PRRC1: variants seen among roughly 807,000 people sequenced by gnomAD.
PRRC1 encodes proline rich coiled-coil 1.
In PRRC1, 39 loss-of-function variants were observed where a neutral mutation model predicts 40.7. That is an observed-to-expected ratio of 0.96 (90% confidence interval 0.74 to 1.25). The LOEUF (loss-of-function observed/expected upper bound fraction) is 1.25. PRRC1 is among the 50% of genes most tolerant of loss of function. The pLI, the probability that PRRC1 is intolerant of heterozygous loss-of-function variation, is 0.00. For synonymous variants in PRRC1, 175 were observed against 193.3 expected, an observed-to-expected ratio of 0.91 and a Z score of 0.79; for missense variants, 573 against 548.3, an observed-to-expected ratio of 1.05 and a Z score of -0.45.
Position 127,552,016 on chromosome 5 carries a change from G to A in PRRC1, c.*100G>A. 6.6e-7 allele frequency: 1 copy of A among 1,508,496 alleles called. No homozygotes were observed. Among genetic ancestry groups the A allele is most frequent in the South Asian group, 1.3e-5 (1 of 75,834 alleles). The allele number at this position is 1,508,496 out of a possible 1,614,324, so 93.4% of individuals were successfully genotyped here. On this transcript the variant is annotated 3_prime_UTR_variant, in exon 9 of 9. Coordinates refer to ENST00000296666, the MANE Select transcript of PRRC1 (RefSeq NM_130809.5). ...AAATCGAATAGTCTAAATGAATCCA[G>A]TAGTTTTTATCATTTTCCTGTAGCC...
intron 6 of PRRC1, 139 bp downstream of exon 6, chr5:127,533,925 C>G: frequency 1.2e-6 from 1 of 845,952 alleles, no homozygotes; most frequent in South Asian, 1.4e-5. Flanking sequence ...AGTAGACAGC[C>G]CTATCGTATT....
In PRRC1 at chr5:127,553,698, C is replaced by CTTAA. The variant is rs1561691500; in HGVS notation, c.*1785_*1788dup. 1 of 1,490,786 alleles carries CTTAA rather than the reference C, an allele frequency of 6.7e-7. No individual in the cohort carries two copies. Among genetic ancestry groups the CTTAA allele is most frequent in the Non-Finnish European group, 8.9e-7 (1 of 1,127,494 alleles). 92.3% of individuals were successfully genotyped at this position (1,490,786 alleles called of 1,614,324 possible). ...GAAATCTTACAGATTCTAAAAATAC[C>CTTAA]TTAATTTTTCTTTGATTTTTATTTT... On this transcript the variant is annotated 3_prime_UTR_variant, in exon 9 of 9. Coordinates refer to ENST00000296666, the MANE Select transcript of PRRC1 (RefSeq NM_130809.5).
Position 127,552,120 on chromosome 5 carries a change from A to G in PRRC1, c.*204A>G. 2 of 1,387,554 alleles carry G rather than the reference A, an allele frequency of 1.4e-6. No homozygotes were observed. The highest frequency in any genetic ancestry group is 1.9e-6 in the Non-Finnish European group (2 of 1,072,344). The allele number at this position is 1,387,554 out of a possible 1,614,324, so 86.0% of individuals were successfully genotyped here. Reference sequence around the variant, plus strand: ...AACAAATCCTTTTTATAGTCATACCATTTCACCTATCATAGTACTCAAAAA... The same window carrying G: ...AACAAATCCTTTTTATAGTCATACCGTTTCACCTATCATAGTACTCAAAAA... On this transcript the variant is annotated 3_prime_UTR_variant, in exon 9 of 9. Transcript: ENST00000296666.
chr5:127,539,727 A>G (rs1290947335), intron 7 of PRRC1, among the ~76,000 whole-genome samples: 1 of 151,760 alleles, frequency 6.6e-6, no homozygotes, highest in African/African-American at 2.4e-5. Flanking sequence ...TTTATTTTTT[A>G]TTTGTTTGTT....
chr5:127,552,653 A>ATATT lies in PRRC1; in HGVS notation c.*739_*742dup. 1 of 976,476 alleles carries ATATT rather than the reference A, an allele frequency of 1.0e-6. No homozygotes were observed. Among genetic ancestry groups the ATATT allele is most frequent in the African/African-American group, 1.8e-5 (1 of 57,118 alleles). 60.5% of individuals were successfully genotyped at this position (976,476 alleles called of 1,614,324 possible). On this transcript the variant is annotated 3_prime_UTR_variant, in exon 9 of 9. Coordinates refer to ENST00000296666, the MANE Select transcript of PRRC1 (RefSeq NM_130809.5). Reference sequence around the variant, plus strand: ...CAGCTAAGGGGCAAATGATTCAAGTATATTTTAAATCAGAAGTATTCAAAT... The same window carrying ATATT: ...CAGCTAAGGGGCAAATGATTCAAGTATATTTATTTTAAATCAGAAGTATTCAAAT...
At position 127,533,692 on chromosome 5, in the gene PRRC1, C is replaced by G. The variant is rs755158804; in HGVS notation, c.827C>G (p.Ala276Gly). 5 of 1,613,270 alleles carry G rather than the reference C, an allele frequency of 3.1e-6. No homozygotes were observed. The highest frequency in any genetic ancestry group is 4.2e-6 in the Non-Finnish European group (5 of 1,179,254). Residue 276 changes from alanine (A) to glycine (G), a missense_variant, in exon 6 of 9, where the codon GCC (alanine) becomes GGC (glycine). Physicochemically the swap from Ala to Gly is moderately conservative, Grantham distance 60. Coordinates refer to ENST00000296666, the MANE Select transcript of PRRC1 (RefSeq NM_130809.5). ...GTAAAAGTTGCTGCTGTCCGAGATG[C>G]CTTCCAGGAGGTCTTTGGCTTAGCT... ...KEVKVAAVRDAFQEVFGLAVV... is the reference protein window; with the variant it reads ...KEVKVAAVRDGFQEVFGLAVV...
intron 5 of PRRC1, 146 bp from the exon 6 acceptor site, chr5:127,533,477 A>G: frequency 1.4e-6 from 1 of 739,018 alleles, no homozygotes; most frequent in Non-Finnish European, 2.1e-6. Context: ...TCTCAAGCAT[A>G]TAAAAAAGAT....
intron 3 of PRRC1, among the ~76,000 whole-genome samples, chr5:127,526,207 T>C (rs1338519518): frequency 6.6e-6 from 1 of 152,228 alleles, no homozygotes; most frequent in Non-Finnish European, 1.5e-5. Flanking sequence ...TATTCATGTC[T>C]ATGTATATGT....
chr5:127,542,427 C>G (rs1247259206), intron 7 of PRRC1, among the ~76,000 whole-genome samples: 1 of 152,018 alleles, frequency 6.6e-6, no homozygotes, highest in Non-Finnish European at 1.5e-5. Context: ...TCTGGGTATC[C>G]TTGTTAACTT....
chr5:127,523,415 T>C, intron 1 of PRRC1, 45 bp from the exon 2 acceptor site: 1 of 884,922 alleles, frequency 1.1e-6, no homozygotes, highest in South Asian at 2.2e-5. Context: ...AAAAATATAC[T>C]TTTGGTTACT....
chr5:127,553,995 G>C lies in PRRC1; in HGVS notation c.*2079G>C, dbSNP rs1580959139. On this transcript the variant is annotated 3_prime_UTR_variant, in exon 9 of 9. Coordinates refer to ENST00000296666, the MANE Select transcript of PRRC1 (RefSeq NM_130809.5). Reference sequence around the variant, plus strand: ...TCTCTGGTTCTGTTCTTGGCCCAGAGTTTTTGAAAAGCAGCGGAGCATGAC... The same window carrying C: ...TCTCTGGTTCTGTTCTTGGCCCAGACTTTTTGAAAAGCAGCGGAGCATGAC... 1 of 1,341,412 alleles carries C rather than the reference G, an allele frequency of 7.5e-7. No homozygotes were observed. Among genetic ancestry groups the C allele is most frequent in the East Asian group, 2.6e-5 (1 of 38,288 alleles). The allele number at this position is 1,341,412 out of a possible 1,614,324, so 83.1% of individuals were successfully genotyped here.
At position 127,551,895 on chromosome 5, in the gene PRRC1, C is replaced by T; in HGVS notation, c.1317C>T (p.Arg439=). The change falls in exon 9 of 9, where the codon CGC becomes CGT. Residue 439 remains arginine, a synonymous_variant. Transcript: ENST00000296666. ...CGATAGCGGGCATGTATAAACAGCG[C>T]CTGCCACCCAGGACAGTGTGAGAGG... ...ARAIAGMYKQ[R]LPPRTV is the part of the protein sequence containing the mutation. 1.9e-6 allele frequency: 3 copies of T among 1,614,064 alleles called. No individual in the cohort carries two copies. The East Asian group carries it at 6.7e-5, about 36-fold the overall frequency.
At chr5:127,522,623 C>T (rs1767489532) in intron 1 of PRRC1, among the ~76,000 whole-genome samples, 1 of 151,576 alleles carries the variant, frequency 6.6e-6, no homozygotes, top group African/African-American at 2.4e-5. Flanking sequence ...AACTCCTGGT[C>T]TCAAGGGATC....
intron 7 of PRRC1, among the ~76,000 whole-genome samples, chr5:127,547,356 T>C (rs1768254799): frequency 6.6e-6 from 1 of 152,088 alleles, no homozygotes; most frequent in South Asian, 2.1e-4. Context: ...AGAGAGTATT[T>C]GTTATTATTT....
At chr5:127,526,200 T>C (rs1043813190) in intron 3 of PRRC1, among the ~76,000 whole-genome samples, 11 of 152,232 alleles carry the variant, frequency 7.2e-5, no homozygotes, top group African/African-American at 2.7e-4. Flanking sequence ...AGTACTATAT[T>C]CATGTCTATG....
At chr5:127,547,782 G>T in intron 7 of PRRC1, 37 bp from the exon 8 acceptor site, 1 of 1,369,638 alleles carries the variant, frequency 7.3e-7, no homozygotes, top group Non-Finnish European at 1.0e-6. Context: ...GTTTTATTTG[G>T]CATATAAACC....
chr5:127,543,438 A>C (rs978905920), intron 7 of PRRC1, among the ~76,000 whole-genome samples: 1 of 152,110 alleles, frequency 6.6e-6, no homozygotes, highest in Non-Finnish European at 1.5e-5. Flanking sequence ...AGATTGGGGA[A>C]GTTCTCCTGG....
In PRRC1 at chr5:127,552,210, G is replaced by T. The variant is rs1422093871; in HGVS notation, c.*294G>T. ...CCAGATTTATAAGGTGGAAATTCAT[G>T]TGCAGAGACATTTAACTTAATGCCA... On this transcript the variant is annotated 3_prime_UTR_variant, in exon 9 of 9. Transcript: ENST00000296666. 1.8e-6 allele frequency: 2 copies of T among 1,132,784 alleles called. No individual in the cohort carries two copies. Among genetic ancestry groups the T allele is most frequent in the African/African-American group, 1.6e-5 (1 of 62,536 alleles). The allele number at this position is 1,132,784 out of a possible 1,614,324, so 70.2% of individuals were successfully genotyped here. A position where few individuals can be genotyped will look rare whatever the true frequency, so the allele number is the denominator to read the frequency against.
chr5:127,541,666 T>G (rs1330161202), intron 7 of PRRC1, among the ~76,000 whole-genome samples: 10 of 152,214 alleles, frequency 6.6e-5, no homozygotes, highest in East Asian at 3.9e-4. Context: ...TTGCGTAGAG[T>G]TGTTTGTAGT....
Sources: gnomAD v4.1 joint callset for allele counts (sites outside exome capture counted in the v4.1 genomes callset) on GRCh38, gnomAD v4.1.1 for gene constraint, MANE v1.5 for transcripts, NCBI Gene and HGNC (gene_info 2026-07-23, HGNC 2026-07-21) for gene names.